The following NRCAM variants were observed in gnomAD, a reference collection of about 807,000 sequenced individuals.
NRCAM encodes the protein NgCAM-related cell adhesion molecule.
In NRCAM, 83 loss-of-function variants were observed where a neutral mutation model predicts 156.5. The ratio of observed to expected loss-of-function variants is 0.53; its 90% CI spans 0.44 to 0.64. The LOEUF (loss-of-function observed/expected upper bound fraction) is 0.64. Among genes scored for constraint, NRCAM ranks in the 30% least tolerant of loss-of-function variants. NRCAM has a pLI of 0.00. For synonymous variants in NRCAM, 538 were observed against 563.9 expected (o/e 0.95, Z 0.65); for missense variants, 1,417 against 1,597.3 (o/e 0.89, Z 1.92).
chr7:108,448,444 T>C (rs886422990), intron 1 of NRCAM, among the ~76,000 whole-genome samples: 1 of 152,250 alleles, frequency 6.6e-6, no homozygotes, highest in African/African-American at 2.4e-5. Flanking sequence ...TCGAGTCATT[T>C]AAGCAGTCAA....
intron 2 of NRCAM, among the ~76,000 whole-genome samples, chr7:108,383,153 C>CACACACACACACACACACACACACAA (rs10669547): frequency 1.3e-5 from 2 of 151,612 alleles, no homozygotes; most frequent in East Asian, 3.9e-4. Flanking sequence ...CACACACACA[C>CACACACACACACACACACACACACAA]ACCCCTTGGT....
At chr7:108,427,876 A>G (rs1425868367) in intron 1 of NRCAM, among the ~76,000 whole-genome samples, 1 of 138,740 alleles carries the variant, frequency 7.2e-6, no homozygotes, top group Non-Finnish European at 1.5e-5. Flanking sequence ...TTTTACTACC[A>G]TATCTTATTT....
intron 1 of NRCAM, among the ~76,000 whole-genome samples, chr7:108,449,905 A>ATT (rs35011471): frequency 3.4e-4 from 51 of 148,292 alleles, no homozygotes; most frequent in Non-Finnish European, 4.6e-4. Context: ...CTAGAAATAG[A>ATT]TTTTTTTTTT....
chr7:108,260,314 G>A (rs1226246204), intron 3 of NRCAM, among the ~76,000 whole-genome samples: 3 of 152,184 alleles, frequency 2.0e-5, no homozygotes, highest in African/African-American at 7.2e-5. Context: ...TGTACTCACA[G>A]TGCCAGAGTC....
intron 1 of NRCAM, among the ~76,000 whole-genome samples, chr7:108,424,451 T>C (rs1814403995): frequency 6.6e-6 from 1 of 152,134 alleles, no homozygotes; most frequent in Admixed American, 6.5e-5. Flanking sequence ...AACTAATCAT[T>C]TGAATAAAGG....
chr7:108,238,589 T>A (rs948417885), intron 4 of NRCAM, among the ~76,000 whole-genome samples: 1 of 152,182 alleles, frequency 6.6e-6, no homozygotes, highest in Non-Finnish European at 1.5e-5. Context: ...CATAGGTGAC[T>A]GTTTCCCTCT....
At chr7:108,215,586 G>A (rs2087836423) in intron 11 of NRCAM, among the ~76,000 whole-genome samples, 1 of 152,002 alleles carries the variant, frequency 6.6e-6, no homozygotes, top group Non-Finnish European at 1.5e-5. Flanking sequence ...ATGAATCTGG[G>A]TGCTTCTGTA....
In NRCAM at chr7:108,324,877, C is replaced by CATTTTTTTTTTTTTTTTTTTTT. The variant is rs201240389; in HGVS notation, c.-173-12147_-173-12146insAAAAAAAAAAAAAAAAAAAAAT. Among the ~76,000 whole-genome samples the CATTTTTTTTTTTTTTTTTTTTT allele has an allele frequency of 8.5e-5, 7 of 82,676 alleles. 2 individuals carry two copies. The highest frequency in any genetic ancestry group is 4.6e-5 in the Non-Finnish European group (2 of 43,386). 54.2% of individuals were successfully genotyped at this position (82,676 alleles called of 152,430 possible). A position where few individuals can be genotyped will look rare whatever the true frequency, so the allele number is the denominator to read the frequency against. On this transcript the variant is annotated intron_variant, in intron 2 of 32. Transcript: ENST00000379028. ...TGTTTGTGTAATATTTGGCACTGTA[C>CATTTTTTTTTTTTTTTTTTTTT]TTTTTTTTTTTTTTTTTTTTTTTTT...
At position 108,177,343 on chromosome 7, in the gene NRCAM, G is replaced by A. The variant is rs117038004; in HGVS notation, c.2974+647C>T. On this transcript the variant is annotated intron_variant, in intron 26 of 32. Transcript: ENST00000379028. ...TAGGGAGATATCAGTTAAAGGGAAG[G>A]CTGGGCGCAGTGGCTCACGCCTGTA... Among the ~76,000 whole-genome samples the A allele has an allele frequency of 7.1e-3, 1,080 of 152,262 alleles. 5 individuals carry two copies. The highest frequency in any genetic ancestry group is 0.02 in the Middle Eastern group (6 of 294).
At chr7:108,390,350 T>C (rs186369773) in intron 2 of NRCAM, among the ~76,000 whole-genome samples, 34 of 152,250 alleles carry the variant, frequency 2.2e-4, no homozygotes, top group Non-Finnish European at 4.0e-4. Flanking sequence ...TAGAGGTGTT[T>C]TACCATTTTC....
chr7:108,343,698 C>T (rs1440422795), intron 2 of NRCAM, among the ~76,000 whole-genome samples: 2 of 152,128 alleles, frequency 1.3e-5, no homozygotes, highest in East Asian at 3.9e-4. Context: ...TACTTAAAAC[C>T]CTTCATCAAA....
At position 108,354,724 on chromosome 7, in the gene NRCAM, G is replaced by A. The variant is rs530607439; in HGVS notation, c.-173-41993C>T. Among the ~76,000 whole-genome samples, 5 of 151,790 alleles carry A rather than the reference G, an allele frequency of 3.3e-5. No individual in the cohort carries two copies. The South Asian group carries it at 6.3e-4, about 19-fold the overall frequency. The stretch of plus-strand genomic sequence containing the variant: ...AGCCTGACCAACATGGAGAAACCCC[G>A]TCTTTATTAAAAGTACACAATTAGC... On this transcript the variant is annotated intron_variant, in intron 2 of 32. Transcript: ENST00000379028.
At chr7:108,264,584 A>G (rs1199032167) in intron 3 of NRCAM, among the ~76,000 whole-genome samples, 1 of 152,210 alleles carries the variant, frequency 6.6e-6, no homozygotes. Flanking sequence ...AGTTGATACA[A>G]TATTTATCTT....
intron 3 of NRCAM, among the ~76,000 whole-genome samples, chr7:108,300,879 T>G (rs533332321): frequency 5.0e-4 from 76 of 152,164 alleles, no homozygotes; most frequent in African/African-American, 1.8e-3. Context: ...AAAAATTACG[T>G]TTTTTTAAAG....
chr7:108,226,113 G>T, intron 9 of NRCAM, 95 bp downstream of exon 9: 1 of 859,852 alleles, frequency 1.2e-6, no homozygotes, highest in Non-Finnish European at 1.8e-6. Flanking sequence ...TAATGAACCT[G>T]TTTACTTCAA....
At chr7:108,243,128 A>C (rs750945755) in intron 3 of NRCAM, 8 of 152,214 alleles carry the variant, frequency 5.3e-5, no homozygotes, top group African/African-American at 7.2e-5. Context: ...TTCTCCTCAG[A>C]AGTTTTAAGT....
At chr7:108,267,044 A>G (rs1161318619) in intron 3 of NRCAM, among the ~76,000 whole-genome samples, 3 of 152,194 alleles carry the variant, frequency 2.0e-5, no homozygotes, top group Admixed American at 6.5e-5. Context: ...TAAGACTCCA[A>G]TTATTCCAAT....
intron 2 of NRCAM, among the ~76,000 whole-genome samples, chr7:108,358,798 T>G (rs2099527163): frequency 6.6e-6 from 1 of 152,202 alleles, no homozygotes; most frequent in Non-Finnish European, 1.5e-5. Context: ...GCGGCAGATG[T>G]CTGGTCAGGA....
chr7:108,197,684 A>C (rs970342388), intron 14 of NRCAM, among the ~76,000 whole-genome samples: 4 of 152,162 alleles, frequency 2.6e-5, no homozygotes, highest in Non-Finnish European at 5.9e-5. Flanking sequence ...TTTCCTTTTG[A>C]GGGTTTGACA....
Sources: gnomAD v4.1 joint callset for allele counts (sites outside exome capture counted in the v4.1 genomes callset) on GRCh38, gnomAD v4.1.1 for gene constraint, MANE v1.5 for transcripts, NCBI Gene and HGNC (gene_info 2026-07-23, HGNC 2026-07-21) for gene names.